TENM4: variants seen among roughly 807,000 people sequenced by gnomAD.
TENM4 encodes teneurin transmembrane protein 4.
Under a neutral mutation model 243.3 loss-of-function variants are expected in TENM4, and 82 were observed. The ratio of observed to expected loss-of-function variants is 0.34; its 90% confidence interval spans 0.28 to 0.40. The LOEUF is 0.40. Ranked by LOEUF, TENM4 falls within the 10% of genes least tolerant of loss-of-function variation. TENM4 has a pLI of 1.00. For synonymous variants in TENM4, 1,412 were observed against 1,456.3 expected, an observed-to-expected ratio of 0.97 and a Z score of 0.69; for missense variants, 3,138 against 3,673.3, an observed-to-expected ratio of 0.85 and a Z score of 3.77.
intron 9 of TENM4, among the ~76,000 whole-genome samples, chr11:78,876,277 G>A (rs917630414): frequency 6.6e-6 from 1 of 152,178 alleles, no homozygotes; most frequent in East Asian, 1.9e-4. Context: ...TCTCTTCTAA[G>A]GGGAAAGGCA....
intron 6 of TENM4, among the ~76,000 whole-genome samples, chr11:78,992,296 G>A (rs1053518855): frequency 1.8e-4 from 27 of 152,342 alleles, no homozygotes; most frequent in African/African-American, 6.3e-4. Flanking sequence ...ACTTTGTCCA[G>A]TTCTCATATC....
chr11:78,988,705 T>C (rs147350758), intron 6 of TENM4, among the ~76,000 whole-genome samples: 47 of 152,324 alleles, frequency 3.1e-4, no homozygotes, highest in Middle Eastern at 3.4e-3. Context: ...GATCTTATTC[T>C]GTCCTGTCAC....
intron 6 of TENM4, among the ~76,000 whole-genome samples, chr11:79,009,129 A>G (rs11237681): frequency 0.021 from 3,245 of 152,282 alleles, 123 homozygotes; most frequent in African/African-American, 0.074. Context: ...TGTTACAAAA[A>G]TATTTTTACC....
At chr11:79,312,795 C>T (rs904035297) in intron 1 of TENM4, among the ~76,000 whole-genome samples, 1 of 152,158 alleles carries the variant, frequency 6.6e-6, no homozygotes, top group Non-Finnish European at 1.5e-5. Context: ...AGAGTGGATC[C>T]AACCCCTGCC....
At chr11:79,108,674 C>T (rs1488353839) in intron 4 of TENM4, among the ~76,000 whole-genome samples, 5 of 151,956 alleles carry the variant, frequency 3.3e-5, no homozygotes, top group Admixed American at 2.6e-4. Flanking sequence ...AAGGAGACAA[C>T]ATCATTCAGG....
At chr11:79,254,906 C>T (rs914169324) in intron 2 of TENM4, among the ~76,000 whole-genome samples, 2 of 152,070 alleles carry the variant, frequency 1.3e-5, no homozygotes, top group Non-Finnish European at 2.9e-5. Flanking sequence ...TGGAAGGAGA[C>T]AGTGGAGGTC....
At chr11:79,067,135 A>G (rs191125246) in intron 5 of TENM4, among the ~76,000 whole-genome samples, 2 of 152,320 alleles carry the variant, frequency 1.3e-5, no homozygotes, top group South Asian at 2.1e-4. Context: ...GACCAGGCAT[A>G]AAAGAAGCCC....
chr11:79,076,020 C>A (rs567569978), intron 4 of TENM4, among the ~76,000 whole-genome samples: 1 of 152,282 alleles, frequency 6.6e-6, no homozygotes, highest in South Asian at 2.1e-4. Flanking sequence ...GTATAAACTG[C>A]AGTTTTATAA....
chr11:78,804,273 G>A (rs1187242269), intron 15 of TENM4, among the ~76,000 whole-genome samples: 1 of 152,148 alleles, frequency 6.6e-6, no homozygotes, highest in Non-Finnish European at 1.5e-5. Flanking sequence ...TCTCCATTTT[G>A]TTGTTGTTGT....
At chr11:78,765,318 C>A (rs1856520337) in intron 18 of TENM4, among the ~76,000 whole-genome samples, 2 of 152,182 alleles carry the variant, frequency 1.3e-5, no homozygotes, top group African/African-American at 4.8e-5. Flanking sequence ...GTCAATTTCT[C>A]TCTTGTCTCT....
chr11:79,170,803 A>G (rs1863023602), intron 3 of TENM4, among the ~76,000 whole-genome samples: 1 of 152,180 alleles, frequency 6.6e-6, no homozygotes, highest in Non-Finnish European at 1.5e-5. Context: ...TTTTTGGTAC[A>G]GTCTTATGGA....
chr11:78,922,202 G>A (rs1214229281), intron 6 of TENM4, among the ~76,000 whole-genome samples: 1 of 152,186 alleles, frequency 6.6e-6, no homozygotes, highest in Non-Finnish European at 1.5e-5. Context: ...CTTGAAGGAT[G>A]GACAGAATTA....
chr11:79,158,898 A>G (rs974126951), intron 3 of TENM4, among the ~76,000 whole-genome samples: 3 of 152,174 alleles, frequency 2.0e-5, no homozygotes, highest in East Asian at 3.9e-4. Context: ...TCCTCAGACC[A>G]TCACCTCTAT....
intron 25 of TENM4, among the ~76,000 whole-genome samples, chr11:78,714,195 T>A (rs541535618): frequency 3.9e-5 from 6 of 152,344 alleles, no homozygotes; most frequent in African/African-American, 1.4e-4. Context: ...ATCAGGTATG[T>A]AAGTTTGGGG....
intron 19 of TENM4, among the ~76,000 whole-genome samples, chr11:78,747,741 G>T (rs1443607955): frequency 9.9e-5 from 15 of 152,214 alleles, no homozygotes; most frequent in Admixed American, 9.8e-4. Flanking sequence ...TGCAAGGCCT[G>T]ATCCTATATT....
intron 16 of TENM4, among the ~76,000 whole-genome samples, chr11:78,784,502 C>T (rs908461424): frequency 7.2e-5 from 11 of 152,158 alleles, no homozygotes; most frequent in South Asian, 2.1e-4. Flanking sequence ...TAGACAAGGA[C>T]GAAGAAAATG....
At chr11:79,046,348 T>G (rs1332228464) in intron 6 of TENM4, among the ~76,000 whole-genome samples, 2 of 152,086 alleles carry the variant, frequency 1.3e-5, no homozygotes, top group African/African-American at 2.4e-5. Context: ...AGCTGCAAAT[T>G]TAAGACCCAG....
At chr11:78,737,693 C>G (rs951977875) in intron 20 of TENM4, among the ~76,000 whole-genome samples, 1 of 152,200 alleles carries the variant, frequency 6.6e-6, no homozygotes, top group Non-Finnish European at 1.5e-5. Context: ...TTCTCATTGC[C>G]TGTCCTGTCA....
chr11:79,344,885 T>C (rs1319259464), intron 1 of TENM4, among the ~76,000 whole-genome samples: 2 of 152,244 alleles, frequency 1.3e-5, no homozygotes, highest in Non-Finnish European at 2.9e-5. Context: ...AGAGCTGAGA[T>C]AGATTCACTC....
Sources: gnomAD v4.1 joint callset for allele counts (sites outside exome capture counted in the v4.1 genomes callset) on GRCh38, gnomAD v4.1.1 for gene constraint, MANE v1.5 for transcripts, NCBI Gene and HGNC (gene_info 2026-07-23, HGNC 2026-07-21) for gene names.